CASZ1: variants seen among roughly 807,000 people sequenced by gnomAD.
CASZ1 encodes the protein castor zinc finger 1.
A neutral mutation model predicts 135.2 loss-of-function variants in CASZ1; 28 were observed. The ratio of observed to expected loss-of-function variants is 0.21; its 90% confidence interval spans 0.15 to 0.28. CASZ1 has a LOEUF of 0.28. Among genes scored for constraint, CASZ1 ranks in the 10% least tolerant of loss-of-function variants. CASZ1 has a pLI of 1.00. For missense variants in CASZ1, 2,161 were observed against 2,453.3 expected (o/e 0.88, Z 2.52); for synonymous variants, 1,068 against 1,073.4 (o/e 0.99, Z 0.10).
Position 10,653,896 on chromosome 1 carries a change from T to C in CASZ1, c.2161A>G (p.Ser721Gly). The C allele has an allele frequency of 6.2e-7, 1 of 1,613,496 alleles. No homozygotes were observed. The highest frequency in any genetic ancestry group is 2.2e-5 in the East Asian group (1 of 44,860). Residue 721 changes from serine to glycine, a missense_variant, in exon 11 of 21, where the codon AGC (serine) becomes GGC (glycine). Physicochemically the swap from Ser to Gly is moderately conservative, Grantham distance 56 (BLOSUM62 0). Coordinates refer to ENST00000377022, the MANE Select transcript of CASZ1 (RefSeq NM_001079843.3). Reference sequence around the variant, plus strand: ...GAGAAGTCAACAAGGTCGTCGTTGCTGGACTCCTCGTGCTCCGTGTCCTTG... The same window carrying C: ...GAGAAGTCAACAAGGTCGTCGTTGCCGGACTCCTCGTGCTCCGTGTCCTTG... ...GAKDTEHEES[S>G]NDDLVDFSAL...
intron 2 of CASZ1, among the ~76,000 whole-genome samples, chr1:10,744,402 A>ATGG (rs1640000230): frequency 8.1e-6 from 1 of 123,590 alleles, no homozygotes; most frequent in Non-Finnish European, 1.7e-5. Context: ...GGGCACCACG[A>ATGG]GCAGGCATGT....
chr1:10,708,863 G>A (rs942574540), intron 2 of CASZ1, among the ~76,000 whole-genome samples: 8 of 151,626 alleles, frequency 5.3e-5, no homozygotes, highest in Admixed American at 1.3e-4. Context: ...CAGGCGGCTC[G>A]GAGTGGGGCC....
intron 1 of CASZ1, among the ~76,000 whole-genome samples, chr1:10,793,945 G>C (rs1025731524): frequency 6.6e-6 from 1 of 152,170 alleles, no homozygotes; most frequent in East Asian, 1.9e-4. Context: ...ACGCCCGCCC[G>C]GGACGCACCG....
At chr1:10,714,605 G>A (rs1639345374) in intron 2 of CASZ1, among the ~76,000 whole-genome samples, 1 of 152,190 alleles carries the variant, frequency 6.6e-6, no homozygotes, top group African/African-American at 2.4e-5. Context: ...AGCGGGGGCT[G>A]GATTTCTGCC....
chr1:10,651,877 AAGG>A (rs1642600976), intron 11 of CASZ1: 1 of 152,018 alleles, frequency 6.6e-6, no homozygotes, highest in Admixed American at 6.5e-5. Context: ...CTTTTGGGAG[AAGG>A]AGACTTTTCT....
rs184168881 is a variant in CASZ1 at position 10,703,146 on chromosome 1, G to C, written c.-24+2346C>G. Among the ~76,000 whole-genome samples, 12 of 152,312 alleles carry C rather than the reference G, an allele frequency of 7.9e-5. No individual in the cohort carries two copies. The East Asian group carries it at 2.3e-3, about 29-fold the overall frequency. ...AGAGAGACGGCAGCAGACCTAGCAC[G>C]AGAGGAGGCCCAGCAGACTCTGCAG... On this transcript the variant is annotated intron_variant, in intron 3 of 20. Coordinates refer to ENST00000377022, the MANE Select transcript of CASZ1 (RefSeq NM_001079843.3).
chr1:10,754,690 C>T (rs1427880801), intron 2 of CASZ1, among the ~76,000 whole-genome samples: 1 of 152,212 alleles, frequency 6.6e-6, no homozygotes, highest in Non-Finnish European at 1.5e-5. Flanking sequence ...GCAGCTGGGA[C>T]CGATCCTCTC....
At chr1:10,641,979 G>A (rs1381679792) in intron 20 of CASZ1, 1 of 152,500 alleles carries the variant, frequency 6.6e-6, no homozygotes, top group East Asian at 1.9e-4. Flanking sequence ...CCTGGAGGGT[G>A]GGTTGGGGTG....
rs769507782 is a variant in CASZ1 at position 10,647,994 on chromosome 1, C to T, written c.3304G>A (p.Gly1102Arg). Residue 1102 changes from glycine (G) to arginine (R), a missense_variant, in exon 16 of 21, where the codon GGG (glycine) becomes AGG (arginine). Physicochemically the swap from Gly to Arg is moderately radical, Grantham distance 125. Coordinates refer to ENST00000377022, the MANE Select transcript of CASZ1 (RefSeq NM_001079843.3). The surrounding 1 kb of genome is among the most constrained non-coding windows in gnomAD (Gnocchi z 4.9). ...ACGGAGGCCGGGCTGGGAGCGGGCC[C>T]CTCCAGAGAGGACACCGTGGCCGTG... ...VTTATVSSLEGPAPSPASVPS... is the reference protein window; with the variant it reads ...VTTATVSSLERPAPSPASVPS... 31 of 1,603,610 alleles carry T rather than the reference C, an allele frequency of 1.9e-5. 1 individual carries two copies. Among genetic ancestry groups the T allele is most frequent in the South Asian group, 1.3e-4 (12 of 89,630 alleles).
At position 10,649,167 on chromosome 1, in the gene CASZ1, C is replaced by A. The variant is rs201245525; in HGVS notation, c.3061G>T (p.Gly1021Cys). ...RRFGTKDFCDGQCDFLHKAHF... is the reference protein window; with the variant it reads ...RRFGTKDFCDCQCDFLHKAHF... ...GCCTTGTGGAGGAAGTCACACTGGC[C>A]GTCACAGAAGTCCTTTGTACCAAAC... The change falls in exon 15 of 21, where the codon GGC becomes TGC. Residue 1021 changes from glycine to cysteine, a missense_variant. Coordinates refer to ENST00000377022, the MANE Select transcript of CASZ1 (RefSeq NM_001079843.3). 1 of 1,613,692 alleles carries A rather than the reference C, an allele frequency of 6.2e-7. No individual in the cohort carries two copies. Among genetic ancestry groups the A allele is most frequent in the African/African-American group, 1.3e-5 (1 of 75,064 alleles).
chr1:10,729,559 G>A (rs1639665407), intron 2 of CASZ1, among the ~76,000 whole-genome samples: 1 of 152,244 alleles, frequency 6.6e-6, no homozygotes, highest in African/African-American at 2.4e-5. Flanking sequence ...GAGCCCTGGG[G>A]GGCTTAGGGG....
chr1:10,786,026 C>A (rs923811267), intron 1 of CASZ1, among the ~76,000 whole-genome samples: 15 of 152,240 alleles, frequency 9.9e-5, no homozygotes, highest in Non-Finnish European at 2.2e-4. Flanking sequence ...GGCTCCTGAT[C>A]CCACGCGCCG....
chr1:10,653,917 C>T lies in CASZ1; in HGVS notation c.2140G>A (p.Asp714Asn), dbSNP rs1642694764. 6.2e-7 allele frequency: 1 copy of T among 1,613,508 alleles called. No individual in the cohort carries two copies. Among genetic ancestry groups the T allele is most frequent in the African/African-American group, 1.3e-5 (1 of 74,936 alleles). The change falls in exon 11 of 21, where the codon GAC becomes AAC. Residue 714 changes from aspartate to asparagine, a missense_variant. Around this residue, in one of 7 missense-constraint regions of CASZ1, gnomAD observed 248 missense variants for 410.8 expected, o/e 0.60. Coordinates refer to ENST00000377022, the MANE Select transcript of CASZ1 (RefSeq NM_001079843.3). ...TTGCTGGACTCCTCGTGCTCCGTGT[C>T]CTTGGCGCCCAGCAGCGAGGGCGGC... is the stretch of plus-strand genomic sequence containing the variant. ...GLPPSLLGAK[D>N]TEHEESSNDD... is the part of the protein sequence containing the mutation.
chr1:10,767,149 A>G lies in CASZ1; in HGVS notation c.-233-6292T>C, dbSNP rs1298582560. Reference sequence around the variant, plus strand: ...TGGGGCCCGGTCGTCCGCATTCCTCATGAGTTCCTGATGGGAGGAACGAGG... The same window carrying G: ...TGGGGCCCGGTCGTCCGCATTCCTCGTGAGTTCCTGATGGGAGGAACGAGG... On this transcript the variant is annotated intron_variant, in intron 1 of 20. Transcript: ENST00000377022. The surrounding 1 kb of genome is among the most constrained non-coding windows in gnomAD (Gnocchi z 4.2). 1.3e-5 allele frequency among the ~76,000 whole-genome samples: 2 copies of G among 151,770 alleles called. No individual in the cohort carries two copies. Among genetic ancestry groups the G allele is most frequent in the Non-Finnish European group, 2.9e-5 (2 of 67,934 alleles).
chr1:10,683,601 G>A (rs1638495939), intron 4 of CASZ1, among the ~76,000 whole-genome samples: 1 of 152,188 alleles, frequency 6.6e-6, no homozygotes, highest in African/African-American at 2.4e-5. Context: ...CTGTCTCCTA[G>A]GAGAATGCCC....
rs118123289 is a variant in CASZ1 at position 10,699,540 on chromosome 1, T to C, written c.-23-5628A>G. Among the ~76,000 whole-genome samples, 2,320 of 152,336 alleles carry C rather than the reference T, an allele frequency of 0.015. 46 individuals are homozygous for C. Among genetic ancestry groups the C allele is most frequent in the East Asian group, 0.066 (342 of 5,188 alleles). On this transcript the variant is annotated intron_variant, in intron 3 of 20. Transcript: ENST00000377022. This position sits in a 1 kb window ranked among gnomAD's most constrained non-coding sequence, Gnocchi z 4.6. ...CCAGGACAGTCGGCAGAAGTCTTGCTGGCAGCCCAGCACCCAGGGAGCCGG... is the reference window on the plus strand; with the variant it reads ...CCAGGACAGTCGGCAGAAGTCTTGCCGGCAGCCCAGCACCCAGGGAGCCGG...
At chr1:10,704,603 TCGGTCGCAGC>T (rs1448363097) in intron 3 of CASZ1, 2 of 152,188 alleles carry the variant, frequency 1.3e-5, no homozygotes, top group Non-Finnish European at 2.9e-5. Flanking sequence ...CCAGAGCCGG[TCGGTCGCAGC>T]CGGGGCCCGA....
chr1:10,772,538 TG>T (rs1273928644), intron 1 of CASZ1, among the ~76,000 whole-genome samples: 1 of 152,150 alleles, frequency 6.6e-6, no homozygotes, highest in East Asian at 1.9e-4. Flanking sequence ...TGGAAGACTC[TG>T]GGAAGCTGTC....
intron 4 of CASZ1, among the ~76,000 whole-genome samples, chr1:10,687,123 C>A (rs576939632): frequency 1.8e-4 from 27 of 152,164 alleles, no homozygotes; most frequent in Non-Finnish European, 3.8e-4. Flanking sequence ...GCACTAGGGT[C>A]CCCCCATCTA....
Sources: allele counts gnomAD v4.1 joint callset (sites outside exome capture counted in the v4.1 genomes callset), GRCh38; gene constraint gnomAD v4.1.1; regional missense constraint gnomAD v4.1.1; non-coding constraint Gnocchi (gnomAD v3.1); transcripts MANE v1.5; gene names NCBI Gene and HGNC (gene_info 2026-07-23, HGNC 2026-07-21).